The following THEMIS variants were observed in gnomAD, a reference collection of about 807,000 sequenced individuals.
THEMIS encodes the protein thymocyte selection associated, also known as protein THEMIS.
Under a neutral mutation model 52.6 loss-of-function variants are expected in THEMIS, and 37 were observed. The ratio of observed to expected loss-of-function variants is 0.70; its 90% confidence interval spans 0.54 to 0.93. The LOEUF (loss-of-function observed/expected upper bound fraction) is 0.93, where lower values mean the gene tolerates loss of function less well. Ranked by LOEUF, THEMIS falls within the 40% of genes least tolerant of loss-of-function variation. The pLI, the probability that THEMIS is intolerant of heterozygous loss-of-function variation, is 0.00. For synonymous variants in THEMIS, 292 were observed against 272.7 expected, an observed-to-expected ratio of 1.07 and a Z score of -0.70; for missense variants, 808 against 763.1, an observed-to-expected ratio of 1.06 and a Z score of -0.69.
chr6:127,772,985 C>G (rs1473880412), intron 4 of THEMIS, among the ~76,000 whole-genome samples: 1 of 152,142 alleles, frequency 6.6e-6, no homozygotes, highest in East Asian at 1.9e-4. Flanking sequence ...CTTGATAGCA[C>G]TGGATAAGTT....
intron 3 of THEMIS, among the ~76,000 whole-genome samples, chr6:127,824,393 A>T (rs943018319): frequency 6.6e-6 from 1 of 152,168 alleles, no homozygotes; most frequent in Non-Finnish European, 1.5e-5. Context: ...CAAAAAGGAA[A>T]GACTCACAAA....
chr6:127,758,614 G>A (rs1396364753), intron 4 of THEMIS, among the ~76,000 whole-genome samples: 1 of 151,602 alleles, frequency 6.6e-6, no homozygotes, highest in Non-Finnish European at 1.5e-5. Context: ...AGCTAAAGGT[G>A]TAACATTAAA....
chr6:127,755,248 G>T (rs1775782571), intron 4 of THEMIS, among the ~76,000 whole-genome samples: 1 of 152,168 alleles, frequency 6.6e-6, no homozygotes, highest in African/African-American at 2.4e-5. Flanking sequence ...GCTAGGCATT[G>T]AATCCCTGTA....
At chr6:127,708,193 A>G (rs1159865037), downstream of THEMIS, 2 of 152,272 alleles carry the variant, frequency 1.3e-5, no homozygotes, top group East Asian at 3.9e-4. Context: ...AAGAGAACAC[A>G]TACAAATAAA....
chr6:127,862,887 A>C (rs1177639080), intron 1 of THEMIS, among the ~76,000 whole-genome samples: 1 of 152,136 alleles, frequency 6.6e-6, no homozygotes, highest in African/African-American at 2.4e-5. Flanking sequence ...CTCAACATCG[A>C]GTTCTAGGTG....
intron 2 of THEMIS, among the ~76,000 whole-genome samples, chr6:127,848,611 G>A (rs1252233427): frequency 6.6e-5 from 10 of 152,054 alleles, no homozygotes; most frequent in South Asian, 2.1e-4. Flanking sequence ...TTTAATGATC[G>A]CCATTCTAAC....
chr6:127,776,932 G>A (rs948119775), intron 4 of THEMIS, among the ~76,000 whole-genome samples: 4 of 151,974 alleles, frequency 2.6e-5, no homozygotes, highest in Middle Eastern at 6.8e-3. Context: ...CTTTATATCT[G>A]GTAATATTCC....
At chr6:127,787,876 T>C (rs377330328) in intron 4 of THEMIS, among the ~76,000 whole-genome samples, 3 of 119,902 alleles carry the variant, frequency 2.5e-5, no homozygotes, top group African/African-American at 6.4e-5. Context: ...GATAGATAGA[T>C]AGATATAGAT....
chr6:127,761,114 C>T (rs1046044112), intron 4 of THEMIS, among the ~76,000 whole-genome samples: 3 of 151,868 alleles, frequency 2.0e-5, no homozygotes, highest in African/African-American at 7.3e-5. Context: ...ACATTTCTCC[C>T]AAGAAAACAT....
chr6:127,744,319 C>G (rs1775310150), intron 4 of THEMIS, among the ~76,000 whole-genome samples: 1 of 152,038 alleles, frequency 6.6e-6, no homozygotes. Flanking sequence ...TACTGCATCA[C>G]CTCCAAGAAA....
chr6:127,891,395 GC>G (rs1382292996), intron 1 of THEMIS, among the ~76,000 whole-genome samples: 1 of 151,802 alleles, frequency 6.6e-6, no homozygotes, highest in African/African-American at 2.4e-5. Context: ...AATTAACCAG[GC>G]CTGGTGGCGG....
At chr6:127,876,685 C>A (rs1229371842) in intron 1 of THEMIS, among the ~76,000 whole-genome samples, 1 of 152,084 alleles carries the variant, frequency 6.6e-6, no homozygotes, top group East Asian at 1.9e-4. Flanking sequence ...CAACATAAAT[C>A]AACTTAGAAT....
intron 2 of THEMIS, among the ~76,000 whole-genome samples, chr6:127,836,355 T>C (rs1280485779): frequency 2.0e-5 from 3 of 152,166 alleles, no homozygotes; most frequent in Admixed American, 6.5e-5. Context: ...TATTCTGGTG[T>C]GAAGGGTGAA....
At chr6:127,700,406 TA>T in the THEMIS span, among the ~76,000 whole-genome samples, 22 of 152,034 alleles carry the variant, frequency 1.4e-4, no homozygotes, top group Admixed American at 4.6e-4. Flanking sequence ...GGGTTATGTC[TA>T]AAAAAGTATA....
intron 4 of THEMIS, among the ~76,000 whole-genome samples, chr6:127,745,566 C>A (rs1310843706): frequency 6.6e-6 from 1 of 151,744 alleles, no homozygotes; most frequent in Admixed American, 6.6e-5. Flanking sequence ...TGGTATTATG[C>A]CCTGTGGGTG....
rs149948711 is a variant in THEMIS at position 127,851,774 on chromosome 6, T to C, written c.250+3256A>G. The stretch of plus-strand genomic sequence containing the variant: ...AAAATTGTACAGCTACTTTGGAATA[T>C]AGTTTGGCAGTTTCTTTAAACTAAA... On this transcript the variant is annotated intron_variant, in intron 2 of 5. Transcript: ENST00000368248. Among the ~76,000 whole-genome samples the C allele has an allele frequency of 1.0e-3, 159 of 151,848 alleles. 1 individual carries two copies. Among genetic ancestry groups the C allele is most frequent in the African/African-American group, 3.7e-3 (155 of 41,498 alleles).
intron 4 of THEMIS, among the ~76,000 whole-genome samples, chr6:127,791,190 G>A (rs1167131414): frequency 6.6e-6 from 1 of 152,204 alleles, no homozygotes; most frequent in African/African-American, 2.4e-5. Context: ...GACAAGTAGA[G>A]GGTGAGCAAG....
intron 3 of THEMIS, among the ~76,000 whole-genome samples, chr6:127,816,031 G>T (rs1778121461): frequency 6.6e-6 from 1 of 152,112 alleles, no homozygotes; most frequent in African/African-American, 2.4e-5. Context: ...TTCAATTACT[G>T]ACCTATCTTC....
chr6:127,725,634 A>G (rs1774517677), intron 4 of THEMIS, among the ~76,000 whole-genome samples: 1 of 152,132 alleles, frequency 6.6e-6, no homozygotes, highest in African/African-American at 2.4e-5. Context: ...AAACTGTGAA[A>G]AATAATCTAA....
Sources: allele counts gnomAD v4.1 joint callset (sites outside exome capture counted in the v4.1 genomes callset), GRCh38; gene constraint gnomAD v4.1.1; transcripts MANE v1.5; gene names NCBI Gene and HGNC (gene_info 2026-07-23, HGNC 2026-07-21).